The following PITRM1 variants were observed in gnomAD, a reference collection of about 807,000 sequenced individuals.
PITRM1 encodes the protein presequence protease, mitochondrial.
In PITRM1, 100 loss-of-function variants were observed where a neutral mutation model predicts 129.9. That is an observed-to-expected ratio of 0.77 (90% CI 0.65 to 0.91). The LOEUF (loss-of-function observed/expected upper bound fraction) is 0.91, where lower values mean the gene tolerates loss of function less well. Ranked by LOEUF, PITRM1 falls within the 40% of genes least tolerant of loss-of-function variation. The probability of loss-of-function intolerance (pLI) is 0.00; values close to 1 mark genes in which losing one functional copy is unlikely to be tolerated. For missense variants in PITRM1, 1,471 were observed against 1,318.3 expected (o/e 1.12, Z -1.79); for synonymous variants, 591 against 508.8 (o/e 1.16, Z -2.17).
At chr10:3,158,262 T>C (rs1842139748) in intron 10 of PITRM1, 109 bp from the exon 11 acceptor site, 1 of 675,040 alleles carries the variant, frequency 1.5e-6, no homozygotes, top group Non-Finnish European at 2.6e-6. Context: ...CTCCAGCCCC[T>C]CCACTGAAAA....
At chr10:3,166,491 A>G (rs1588716878) in intron 3 of PITRM1, 111 bp from the exon 4 acceptor site, 2 of 484,576 alleles carry the variant, frequency 4.1e-6, no homozygotes, top group Non-Finnish European at 7.2e-6. Flanking sequence ...TGACACCACA[A>G]TCCTCCAGCA....
rs748193746 is a variant in PITRM1 at position 3,138,258 on chromosome 10, G to A, written c.2997C>T (p.Asp999=). ...ACCTATCGCTCACGGCCAGGAGCTTGTCGTGGCTGACAGCAAAGAGCTGCT... is the reference window on the plus strand; with the variant it reads ...ACCTATCGCTCACGGCCAGGAGCTTATCGTGGCTGACAGCAAAGAGCTGCT... ...HREQLFAVSH[D]KLLAVSDRYL... is the part of the protein sequence containing the mutation. The change falls in exon 26 of 27, where the codon GAC becomes GAT. Residue 999 remains aspartate, a synonymous_variant. Transcript: ENST00000224949. 1.2e-6 allele frequency: 2 copies of A among 1,613,436 alleles called. No individual in the cohort carries two copies. The highest frequency in any genetic ancestry group is 1.3e-5 in the African/African-American group (1 of 75,050).
rs1296379265 is a variant in PITRM1, at chr10:3,138,885, ACT to A, written c.2917+17_2917+18del. The A allele has an allele frequency of 6.8e-6, 11 of 1,612,498 alleles. No homozygotes were observed. The East Asian group carries it at 1.6e-4, about 23-fold the overall frequency. ...TGTGAGGCTGTGGGTTGAGATTCTCACTGTTATACTCAAAATACCTTTGTCTG... is the reference window on the plus strand; with the variant it reads ...TGTGAGGCTGTGGGTTGAGATTCTCAGTTATACTCAAAATACCTTTGTCTG... On this transcript the variant is annotated intron_variant, in intron 25 of 26. Coordinates refer to ENST00000224949, the MANE Select transcript of PITRM1 (RefSeq NM_014889.4).
intron 4 of PITRM1, 54 bp downstream of exon 4, chr10:3,166,175 G>A (rs1842842172): frequency 7.0e-7 from 1 of 1,423,432 alleles, no homozygotes; most frequent in South Asian, 1.4e-5. Context: ...CTGAATTCCA[G>A]TGGGTGTGCC....
At position 3,160,216 on chromosome 10, in the gene PITRM1, G is replaced by A. The variant is rs764662805; in HGVS notation, c.906C>T (p.Pro302=). ...EPSTVVPAQT[P]WDKPREFQIT... ...GTGGGGCACTCACAGGCTTGTCCCA[G>A]GGTGTCTGAGCTGGCACCACGGTGC... The change falls in exon 8 of 27, where the codon CCC becomes CCT. Residue 302 remains proline (P), a synonymous_variant. Transcript: ENST00000224949. 3.7e-6 allele frequency: 6 copies of A among 1,613,784 alleles called. No homozygotes were observed. Among genetic ancestry groups the A allele is most frequent in the African/African-American group, 2.7e-5 (2 of 74,930 alleles).
At chr10:3,163,695 C>A (rs1358002496) in intron 7 of PITRM1, 30 bp downstream of exon 7, 1 of 1,563,524 alleles carries the variant, frequency 6.4e-7, no homozygotes, top group South Asian at 1.2e-5. Context: ...TTTCACAATC[C>A]ACCATCAAAC....
intron 16 of PITRM1, chr10:3,148,657 TAC>T (rs1485665147): frequency 5.5e-6 from 1 of 183,022 alleles, no homozygotes; most frequent in Non-Finnish European, 1.1e-5. Flanking sequence ...ATCACCGTGA[TAC>T]ATACTTCCTT....
rs1293225572 is a variant in PITRM1, at chr10:3,147,469, G to A, written c.2235+103C>T. ...TTCCCCATATTTAGTCAGTTAGAAA[G>A]TTAGCATTTCTGGGACATAAATTAA... is the stretch of plus-strand genomic sequence containing the variant. On this transcript the variant is annotated intron_variant, in intron 19 of 26. Transcript: ENST00000224949. The A allele has an allele frequency of 3.8e-6, 5 of 1,322,446 alleles. No homozygotes were observed. The Admixed American group carries it at 8.6e-5, about 23-fold the overall frequency. The allele number at this position is 1,322,446 out of a possible 1,614,324, so 81.9% of individuals were successfully genotyped here. A position where few individuals can be genotyped will look rare whatever the true frequency, so the allele number is the denominator to read the frequency against.
rs1244164858 is a variant in PITRM1, at chr10:3,155,735, G to T, written c.1483-6C>A. 6.2e-7 allele frequency: 1 copy of T among 1,613,406 alleles called. No homozygotes were observed. The highest frequency in any genetic ancestry group is 8.5e-7 in the Non-Finnish European group (1 of 1,179,806). ...GTCAGCTTATGCTGGTTATTCTGCAGCAATCACAGCAACAACAAAAGCCAA... is the reference window on the plus strand; with the variant it reads ...GTCAGCTTATGCTGGTTATTCTGCATCAATCACAGCAACAACAAAAGCCAA... On this transcript the variant is annotated splice_region_variant and splice_polypyrimidine_tract_variant and intron_variant, in intron 13 of 26. Coordinates refer to ENST00000224949, the MANE Select transcript of PITRM1 (RefSeq NM_014889.4).
chr10:3,151,295 C>T lies in PITRM1; in HGVS notation c.1690G>A (p.Asp564Asn), dbSNP rs754727564. The T allele has an allele frequency of 1.4e-5, 23 of 1,610,474 alleles. No homozygotes were observed. The highest frequency in any genetic ancestry group is 2.2e-5 in the South Asian group (2 of 90,100). ...GTGACAGGTATGGTGGGTTCAATATCGGAAACTTTCAACGCTGGCAGACAA... is the reference window on the plus strand; with the variant it reads ...GTGACAGGTATGGTGGGTTCAATATTGGAAACTTTCAACGCTGGCAGACAA... Reference protein sequence around the residue: ...ASCLPALKVSDIEPTIPVTEL... With the variant: ...ASCLPALKVSNIEPTIPVTEL... Residue 564 changes from aspartate (D) to asparagine (N), a missense_variant, in exon 15 of 27, where the codon GAT becomes AAT. Physicochemically the swap from Asp to Asn is conservative, Grantham distance 23. Transcript: ENST00000224949.
rs558975944 is a variant in PITRM1, at chr10:3,160,791, G to GCCCCGT, written c.792-467_792-462dup. Among the ~76,000 whole-genome samples, 931 of 150,140 alleles carry GCCCCGT rather than the reference G, an allele frequency of 6.2e-3. 13 individuals carry two copies. Among genetic ancestry groups the GCCCCGT allele is most frequent in the Non-Finnish European group, 7.4e-3 (497 of 67,596 alleles). On this transcript the variant is annotated intron_variant, in intron 7 of 26. Coordinates refer to ENST00000224949, the MANE Select transcript of PITRM1 (RefSeq NM_014889.4). ...GTTTTTTTTTTTGAGATGGAGTCTC[G>GCCCCGT]CCCCGTCCCCCCAGGCTGGAGTGCA...
chr10:3,152,871 T>C (rs371068127), intron 14 of PITRM1, among the ~76,000 whole-genome samples: 1 of 152,256 alleles, frequency 6.6e-6, no homozygotes, highest in African/African-American at 2.4e-5. Context: ...TCACAGTTGG[T>C]AGAAAAAGCC....
intron 23 of PITRM1, among the ~76,000 whole-genome samples, chr10:3,142,239 C>T (rs917979301): frequency 6.6e-6 from 1 of 152,234 alleles, no homozygotes; most frequent in Non-Finnish European, 1.5e-5. Context: ...CATACTTCTA[C>T]AGCCAGCTCT....
Position 3,149,564 on chromosome 10 carries a change from G to A in PITRM1, c.1871+57C>T, listed in dbSNP as rs536920548. ...ATTCCTACTGATGCATTAGAATACAGATATGCACACAAAGCAGACATTAAT... is the reference window on the plus strand; with the variant it reads ...ATTCCTACTGATGCATTAGAATACAAATATGCACACAAAGCAGACATTAAT... On this transcript the variant is annotated intron_variant, in intron 16 of 26. Transcript: ENST00000224949. 2.0e-6 allele frequency: 3 copies of A among 1,475,778 alleles called. No individual in the cohort carries two copies. The South Asian group carries it at 4.2e-5, about 20-fold the overall frequency. The allele number at this position is 1,475,778 out of a possible 1,614,324, so 91.4% of individuals were successfully genotyped here.
rs779436579 is a variant in PITRM1 at position 3,155,666 on chromosome 10, G to A, written c.1546C>T (p.Gln516Ter). 1 of 1,613,782 alleles carries A rather than the reference G, an allele frequency of 6.2e-7. No homozygotes were observed. The highest frequency in any genetic ancestry group is 8.5e-7 in the Non-Finnish European group (1 of 1,179,872). Residue 516 changes from glutamine to a stop codon, truncating the protein, a stop_gained, in exon 14 of 27, where the codon CAG becomes TAG. Coordinates refer to ENST00000224949, the MANE Select transcript of PITRM1 (RefSeq NM_014889.4). LOFTEE classifies it high-confidence loss of function. Reference sequence around the variant, plus strand: ...TGCTTGAGCTTCGTGGCTTCCACCTGTGCCTGCTTCTCGTGATACTTGTCA... The same window carrying A: ...TGCTTGAGCTTCGTGGCTTCCACCTATGCCTGCTTCTCGTGATACTTGTCA... ...PDDKYHEKQA[Q>*]VEATKLKQKV...
intron 20 of PITRM1, chr10:3,146,000 G>A (rs1840824277): frequency 2.6e-6 from 1 of 387,348 alleles, no homozygotes; most frequent in African/African-American, 2.1e-5. Flanking sequence ...AAAATACAGA[G>A]ACTATTAAGA....
intron 14 of PITRM1, among the ~76,000 whole-genome samples, chr10:3,154,750 ATGT>A (rs960028605): frequency 6.6e-6 from 1 of 151,948 alleles, no homozygotes; most frequent in Non-Finnish European, 1.5e-5. Context: ...ATTTTTGCAA[ATGT>A]TTTTTCCCAG....
rs372253193 is a variant in PITRM1 at position 3,147,643 on chromosome 10, C to T, written c.2164G>A (p.Ala722Thr). Residue 722 changes from alanine (A) to threonine (T), a missense_variant, in exon 19 of 27, where the codon GCA (alanine) becomes ACA (threonine). By Grantham distance (58) the Ala-to-Thr change is moderately conservative (BLOSUM62 0). Coordinates refer to ENST00000224949, the MANE Select transcript of PITRM1 (RefSeq NM_014889.4). Reference protein sequence around the residue: ...NGIPDSGHLYASIRAGRTLTP... With the variant: ...NGIPDSGHLYTSIRAGRTLTP... The stretch of plus-strand genomic sequence containing the variant: ...AGGGTCCGGCCTGCCCTGATGGATG[C>T]GTACAGGTGCCCAGAGTCAGGAATT... 9 of 1,613,814 alleles carry T rather than the reference C, an allele frequency of 5.6e-6. No homozygotes were observed. Among genetic ancestry groups the T allele is most frequent in the African/African-American group, 4.0e-5 (3 of 74,920 alleles).
In PITRM1 at chr10:3,148,285, G is replaced by A; in HGVS notation, c.1878C>T (p.Gly626=). 1.2e-6 allele frequency: 2 copies of A among 1,609,870 alleles called. No individual in the cohort carries two copies. Among genetic ancestry groups the A allele is most frequent in the Non-Finnish European group, 1.7e-6 (2 of 1,177,834 alleles). Reference sequence around the variant, plus strand: ...GCTCCCGGTAGTCAAGAAGGCCGCAGCCCAGCCTGACACAGCAGAGAAGCA... The same window carrying A: ...GCTCCCGGTAGTCAAGAAGGCCGCAACCCAGCCTGACACAGCAGAGAAGCA... ...PLFCSVLTKL[G]CGLLDYREQA... The change falls in exon 17 of 27, where the codon GGC becomes GGT. Residue 626 remains glycine, a synonymous_variant. Coordinates refer to ENST00000224949, the MANE Select transcript of PITRM1 (RefSeq NM_014889.4).
Sources: allele counts gnomAD v4.1 joint callset (sites outside exome capture counted in the v4.1 genomes callset), GRCh38; gene constraint gnomAD v4.1.1; transcripts MANE v1.5; gene names NCBI Gene and HGNC (gene_info 2026-07-23, HGNC 2026-07-21).